SULF2: variants seen among roughly 807,000 people sequenced by gnomAD.
SULF2 encodes the protein sulfatase 2.
In SULF2, 52 loss-of-function variants were observed where a neutral mutation model predicts 107.7. That is an observed-to-expected ratio of 0.48 (90% CI 0.39 to 0.61). The LOEUF (loss-of-function observed/expected upper bound fraction) is 0.61, where lower values mean the gene tolerates loss of function less well. SULF2 is among the 20% of genes least tolerant of loss of function. SULF2 has a pLI of 0.00. For synonymous variants in SULF2, 460 were observed against 464.3 expected (o/e 0.99, Z 0.12); for missense variants, 993 against 1,177.3 (o/e 0.84, Z 2.29).
intron 3 of SULF2, among the ~76,000 whole-genome samples, chr20:47,715,093 ATTTTTTTT>A (rs869126418): frequency 0.016 from 2,099 of 129,006 alleles, 53 homozygotes; most frequent in African/African-American, 0.057. Flanking sequence ...TAACTTTTGT[ATTTTTTTT>A]TTTTTTTTTT....
At chr20:47,672,558 C>T (rs2087514010) in intron 10 of SULF2, 165 bp from the exon 11 acceptor site, 1 of 985,066 alleles carries the variant, frequency 1.0e-6, no homozygotes, top group Non-Finnish European at 1.2e-6. Context: ...TCCACTGCCA[C>T]TGCTTGAACC....
chr20:47,683,243 C>G, intron 6 of SULF2, 74 bp from the exon 7 acceptor site: 1 of 1,442,988 alleles, frequency 6.9e-7, no homozygotes, highest in Non-Finnish European at 9.3e-7. Context: ...GGGTGACAGG[C>G]GCTTGAGATC....
intron 7 of SULF2, 133 bp downstream of exon 7, chr20:47,682,861 C>G: frequency 1.1e-6 from 1 of 874,846 alleles, no homozygotes; most frequent in Non-Finnish European, 1.7e-6. Context: ...GACATAATTG[C>G]TTTCCGCTGG....
intron 1 of SULF2, among the ~76,000 whole-genome samples, chr20:47,763,512 G>A (rs552582244): frequency 1.3e-5 from 2 of 152,300 alleles, no homozygotes; most frequent in East Asian, 3.9e-4. Context: ...TGAGGTGGTG[G>A]GAGAGGAAGA....
At chr20:47,673,723 C>T (rs1440419480) in intron 10 of SULF2, among the ~76,000 whole-genome samples, 13 of 152,246 alleles carry the variant, frequency 8.5e-5, no homozygotes, top group Non-Finnish European at 1.3e-4. Flanking sequence ...CAGGCATGGC[C>T]CTGAATGAGG....
At chr20:47,746,370 G>A (rs562587128) in intron 2 of SULF2, among the ~76,000 whole-genome samples, 1 of 152,328 alleles carries the variant, frequency 6.6e-6, no homozygotes, top group Admixed American at 6.5e-5. Flanking sequence ...CCACAGGCGG[G>A]AAAGAACCTG....
chr20:47,738,260 G>A (rs1176846742), intron 2 of SULF2, among the ~76,000 whole-genome samples: 3 of 152,232 alleles, frequency 2.0e-5, no homozygotes, highest in East Asian at 1.9e-4. Context: ...TAGGTGTGAC[G>A]AGTGCATGCT....
At chr20:47,708,279 A>T (rs2088814154) in intron 3 of SULF2, among the ~76,000 whole-genome samples, 1 of 152,186 alleles carries the variant, frequency 6.6e-6, no homozygotes, top group Non-Finnish European at 1.5e-5. Context: ...AGGGGATAGG[A>T]GGAAAACTGT....
At chr20:47,724,920 A>G (rs937945513) in intron 3 of SULF2, among the ~76,000 whole-genome samples, 1 of 152,242 alleles carries the variant, frequency 6.6e-6, no homozygotes, top group Admixed American at 6.5e-5. Flanking sequence ...TATAGGTAAC[A>G]AAAGCTACCT....
chr20:47,777,877 G>A (rs2090752055), intron 1 of SULF2, among the ~76,000 whole-genome samples: 1 of 151,972 alleles, frequency 6.6e-6, no homozygotes. Flanking sequence ...GGCCAGGCAG[G>A]GTGGCTCACG....
At chr20:47,713,449 A>C (rs1192291763) in intron 3 of SULF2, among the ~76,000 whole-genome samples, 2 of 152,192 alleles carry the variant, frequency 1.3e-5, no homozygotes, top group Non-Finnish European at 2.9e-5. Flanking sequence ...CATTAACGAC[A>C]GGGTTGCAGT....
chr20:47,747,016 T>C (rs200487214), intron 2 of SULF2, among the ~76,000 whole-genome samples: 5,128 of 78,578 alleles, frequency 0.065, 197 homozygotes, highest in African/African-American at 0.14. Flanking sequence ...TATATATATA[T>C]ATACACACAC....
In SULF2 at chr20:47,690,243, G is replaced by A. The variant is rs2088151099; in HGVS notation, c.620C>T (p.Ser207Phe). ...TGGCCTGTGCGGGTACATCTTCTTG[G>A]ACGTGCGGAAGAAGCTCACGCTGTC... ...TNDSVSFFRT[S>F]KKMYPHRPVL... Residue 207 changes from serine to phenylalanine, a missense_variant, in exon 5 of 21, where the codon TCC becomes TTC. This residue lies in a region of SULF2 where 388 missense variants were observed against 449.2 expected (regional missense o/e 0.86). Transcript: ENST00000688720. The A allele has an allele frequency of 6.4e-7, 1 of 1,568,872 alleles. No individual in the cohort carries two copies. The highest frequency in any genetic ancestry group is 1.4e-5 in the African/African-American group (1 of 73,320).
chr20:47,718,085 A>G lies in SULF2; in HGVS notation c.416-15415T>C, dbSNP rs146587074. Among the ~76,000 whole-genome samples, 551 of 152,170 alleles carry G rather than the reference A, an allele frequency of 3.6e-3. 2 individuals are homozygous for G. Among genetic ancestry groups the G allele is most frequent in the African/African-American group, 0.012 (498 of 41,526 alleles). On this transcript the variant is annotated intron_variant, in intron 3 of 20. Transcript: ENST00000688720. ...ACCTGCCTCGGCCTCCCAAAGTGCT[A>G]GGATTACAGGCGTGAGCCACCTGGC... is the stretch of plus-strand genomic sequence containing the variant.
chr20:47,685,197 G>A (rs1446659392), intron 5 of SULF2: 1 of 152,214 alleles, frequency 6.6e-6, no homozygotes. Flanking sequence ...TGTGAGGAAG[G>A]CACCTGAATG....
At chr20:47,720,351 G>A (rs1279364745) in intron 3 of SULF2, among the ~76,000 whole-genome samples, 2 of 152,038 alleles carry the variant, frequency 1.3e-5, no homozygotes, top group African/African-American at 4.8e-5. Context: ...CTGCCTCCTG[G>A]TTCAAGTGAT....
At chr20:47,720,991 T>C (rs1468603690) in intron 3 of SULF2, among the ~76,000 whole-genome samples, 1 of 152,096 alleles carries the variant, frequency 6.6e-6, no homozygotes, top group Non-Finnish European at 1.5e-5. Context: ...GGCAGACAAA[T>C]TGGCTGAGGA....
In SULF2 at chr20:47,694,952, T is replaced by G. The variant is rs2088324462; in HGVS notation, c.568-4657A>C. Among the ~76,000 whole-genome samples, 1 of 152,240 alleles carries G rather than the reference T, an allele frequency of 6.6e-6. No individual in the cohort carries two copies. Among genetic ancestry groups the G allele is most frequent in the Admixed American group, 6.5e-5 (1 of 15,282 alleles). On this transcript the variant is annotated intron_variant, in intron 4 of 20. Coordinates refer to ENST00000688720, the MANE Select transcript of SULF2 (RefSeq NM_001387048.1). This position sits in a 1 kb window ranked among gnomAD's most constrained non-coding sequence, Gnocchi z 4.4. ...GTGAGGTCCCCAAACAAATAAGCCA[T>G]GCATCCAGAGCTGGAGCCAAGGCCT...
chr20:47,720,403 A>C (rs1001932903), intron 3 of SULF2, among the ~76,000 whole-genome samples: 2 of 151,692 alleles, frequency 1.3e-5, no homozygotes, highest in Non-Finnish European at 2.9e-5. Context: ...GTACAGGTGC[A>C]CACCACCACG....
Sources: gnomAD v4.1 joint callset for allele counts (sites outside exome capture counted in the v4.1 genomes callset) on GRCh38, gnomAD v4.1.1 for gene constraint, gnomAD v4.1.1 regional missense constraint, Gnocchi (gnomAD v3.1) non-coding constraint, MANE v1.5 for transcripts, NCBI Gene and HGNC (gene_info 2026-07-23, HGNC 2026-07-21) for gene names.